KCNQ1: variants seen among roughly 807,000 people sequenced by gnomAD.
KCNQ1 encodes potassium voltage-gated channel subfamily KQT member 1.
KCNQ1 carries 49 observed loss-of-function variants against 72.4 expected under a neutral mutation model. The ratio of observed to expected loss-of-function variants is 0.68; its 90% CI spans 0.54 to 0.86. KCNQ1 has a LOEUF of 0.86. Ranked by LOEUF, KCNQ1 falls within the 40% of genes least tolerant of loss-of-function variation. KCNQ1 has a pLI of 0.00. For synonymous variants in KCNQ1, 450 were observed against 412.6 expected, an observed-to-expected ratio of 1.09 and a Z score of -1.10; for missense variants, 790 against 945.1, an observed-to-expected ratio of 0.84 and a Z score of 2.15.
In KCNQ1 at chr11:2,547,089, A is replaced by G. The variant is rs549232876; in HGVS notation, c.477+19071A>G. Among the ~76,000 whole-genome samples the G allele has an allele frequency of 6.6e-5, 10 of 152,354 alleles. No individual in the cohort carries two copies. Among genetic ancestry groups the G allele is most frequent in the Non-Finnish European group, 1.5e-4 (10 of 68,038 alleles). ...AAGTACAGCTAATTTGCATTTATTC[A>G]TAGGACTGACATTCTTGGTCTCAAC... On this transcript the variant is annotated intron_variant, in intron 2 of 15. Coordinates refer to ENST00000155840, the MANE Select transcript of KCNQ1 (RefSeq NM_000218.3). The surrounding 1 kb of genome is among the most constrained non-coding windows in gnomAD (Gnocchi z 4.2).
chr11:2,593,805 A>G lies in KCNQ1; in HGVS notation c.1393+4951A>G, dbSNP rs199943948. Among the ~76,000 whole-genome samples, 30 of 152,126 alleles carry G rather than the reference A, an allele frequency of 2.0e-4. No homozygotes were observed. The East Asian group carries it at 4.7e-3, about 24-fold the overall frequency. The stretch of plus-strand genomic sequence containing the variant: ...CCCAACACACCAAGCCTGGCCTTTC[A>G]TGCACTCCTCCATTCAAAGCCGTGT... On this transcript the variant is annotated intron_variant, in intron 10 of 15. Coordinates refer to ENST00000155840, the MANE Select transcript of KCNQ1 (RefSeq NM_000218.3). The surrounding 1 kb of genome is among the most constrained non-coding windows in gnomAD (Gnocchi z 6.9).
chr11:2,848,812 G>A lies in KCNQ1; in HGVS notation c.*809G>A, dbSNP rs1848397482. On this transcript the variant is annotated 3_prime_UTR_variant, in exon 16 of 16. Transcript: ENST00000155840. ...CAGAAGGGGACTGCCACCTCCCCTT[G>A]CCAGCTGCTGAGCCGCAGAGAAGTG... 1 of 454,162 alleles carries A rather than the reference G, an allele frequency of 2.2e-6. No homozygotes were observed. Among genetic ancestry groups the A allele is most frequent in the Non-Finnish European group, 4.4e-6 (1 of 226,788 alleles). 28.1% of individuals were successfully genotyped at this position (454,162 alleles called of 1,614,324 possible).
rs554813814 is a variant in KCNQ1, at chr11:2,743,607, G to A, written c.1515-25237G>A. ...CCTGCATGGCCCTATGGGGACTTGC[G>A]TCTCCCCGGAGGAGAGCAGCCCTGC... On this transcript the variant is annotated intron_variant, in intron 11 of 15. Coordinates refer to ENST00000155840, the MANE Select transcript of KCNQ1 (RefSeq NM_000218.3). Among the ~76,000 whole-genome samples the A allele has an allele frequency of 5.3e-5, 8 of 152,282 alleles. No homozygotes were observed. In the South Asian group the frequency reaches 1.0e-3, roughly 20 times the overall value.
At chr11:2,837,815 C>T (rs993592226) in intron 15 of KCNQ1, among the ~76,000 whole-genome samples, 21 of 152,204 alleles carry the variant, frequency 1.4e-4, no homozygotes, top group Admixed American at 6.5e-4. Flanking sequence ...GGCTCTGGGG[C>T]GAGAAGGGCG....
intron 10 of KCNQ1, chr11:2,632,405 A>G (rs1415458948): frequency 2.5e-6 from 1 of 398,336 alleles, no homozygotes; most frequent in Non-Finnish European, 4.4e-6. Context: ...ACTATGTTTA[A>G]TATAATGGCT....
At chr11:2,616,204 GTTT>G in intron 10 of KCNQ1, 1 of 371,252 alleles carries the variant, frequency 2.7e-6, no homozygotes, top group Non-Finnish European at 4.7e-6. Flanking sequence ...TCCCACTTTT[GTTT>G]TTTTTTCTTA....
At chr11:2,727,701 C>T (rs909304109) in intron 11 of KCNQ1, among the ~76,000 whole-genome samples, 50 of 152,256 alleles carry the variant, frequency 3.3e-4, no homozygotes, top group African/African-American at 1.1e-3. Flanking sequence ...CAGAGATCAG[C>T]CTCCTAGGGC....
Position 2,834,036 on chromosome 11 carries a change from G to T in KCNQ1, c.1795-13731G>T, listed in dbSNP as rs189506304. Among the ~76,000 whole-genome samples, 622 of 152,342 alleles carry T rather than the reference G, an allele frequency of 4.1e-3. 3 individuals are homozygous for T. Among genetic ancestry groups the T allele is most frequent in the African/African-American group, 0.012 (486 of 41,578 alleles). On this transcript the variant is annotated intron_variant, in intron 15 of 15. Coordinates refer to ENST00000155840, the MANE Select transcript of KCNQ1 (RefSeq NM_000218.3). ...GGAGTGCAGCCAGGGGCTGGCTCCC[G>T]GGAGGACATGGGCAGAGGCTTAGGT...
intron 1 of KCNQ1, among the ~76,000 whole-genome samples, chr11:2,513,138 A>G (rs574003429): frequency 3.3e-5 from 5 of 152,180 alleles, no homozygotes; most frequent in Admixed American, 2.0e-4. Flanking sequence ...TCTGGGGGGA[A>G]TCCTGACCCT....
intron 1 of KCNQ1, among the ~76,000 whole-genome samples, chr11:2,517,898 G>A (rs147274995): frequency 7.9e-5 from 12 of 152,348 alleles, no homozygotes; most frequent in East Asian, 5.8e-4. Context: ...TCAGTACCAC[G>A]TCCTGCTCAA....
At position 2,486,704 on chromosome 11, in the gene KCNQ1, C is replaced by T. The variant is rs528884994; in HGVS notation, c.386+41220C>T. ...AGCCTCAGGAAGCTTCCAATCACGG[C>T]AGAAGGTGAAGCGGGAGTAGGTGTC... On this transcript the variant is annotated intron_variant, in intron 1 of 15. Transcript: ENST00000155840. This position sits in a 1 kb window ranked among gnomAD's most constrained non-coding sequence, Gnocchi z 5.0. Among the ~76,000 whole-genome samples, 1 of 152,288 alleles carries T rather than the reference C, an allele frequency of 6.6e-6. No homozygotes were observed. Among genetic ancestry groups the T allele is most frequent in the South Asian group, 2.1e-4 (1 of 4,828 alleles).
intron 15 of KCNQ1, among the ~76,000 whole-genome samples, chr11:2,788,858 G>A (rs527362621): frequency 3.4e-4 from 51 of 152,198 alleles, no homozygotes; most frequent in Non-Finnish European, 5.9e-4. Context: ...GCTGAGCACC[G>A]CCACCCTGTT....
chr11:2,720,659 C>A lies in KCNQ1; in HGVS notation c.1515-48185C>A, dbSNP rs1043078973. 6.6e-6 allele frequency among the ~76,000 whole-genome samples: 1 copy of A among 152,144 alleles called. No homozygotes were observed. Among genetic ancestry groups the A allele is most frequent in the African/African-American group, 2.4e-5 (1 of 41,412 alleles). On this transcript the variant is annotated intron_variant, in intron 11 of 15. Transcript: ENST00000155840. This position sits in a 1 kb window ranked among gnomAD's most constrained non-coding sequence, Gnocchi z 5.1. ...CTGAAGAGGGGAGCCTCCTTGGCCA[C>A]TGAAACGGAAACAGCATTAGCCACC... is the stretch of plus-strand genomic sequence containing the variant.
At position 2,668,806 on chromosome 11, in the gene KCNQ1, G is replaced by A; in HGVS notation, c.1514+6725G>A. 1 of 398,572 alleles carries A rather than the reference G, an allele frequency of 2.5e-6. No individual in the cohort carries two copies. The highest frequency in any genetic ancestry group is 4.4e-6 in the Non-Finnish European group (1 of 226,072). The allele number at this position is 398,572 out of a possible 1,614,324, so 24.7% of individuals were successfully genotyped here. A position where few individuals can be genotyped will look rare whatever the true frequency, so the allele number is the denominator to read the frequency against. The stretch of plus-strand genomic sequence containing the variant: ...ATGAACAGAAGGTCTTAATTTTCAT[G>A]TGGTCCAGTTAATCAAACATTTCCT... On this transcript the variant is annotated intron_variant, in intron 11 of 15. Coordinates refer to ENST00000155840, the MANE Select transcript of KCNQ1 (RefSeq NM_000218.3). This position sits in a 1 kb window ranked among gnomAD's most constrained non-coding sequence, Gnocchi z 4.3.
intron 11 of KCNQ1, chr11:2,667,426 C>T (rs1241702389): frequency 2.5e-6 from 1 of 398,736 alleles, no homozygotes; most frequent in Non-Finnish European, 4.4e-6. Flanking sequence ...TGTGAACTCC[C>T]AGCCATGATG....
intron 6 of KCNQ1, among the ~76,000 whole-genome samples, chr11:2,580,036 A>G (rs1848476402): frequency 1.3e-5 from 2 of 152,228 alleles, no homozygotes; most frequent in South Asian, 4.1e-4. Context: ...TTTAAAAAGT[A>G]ATGCTTTTAA....
intron 15 of KCNQ1, 118 bp from the exon 16 acceptor site, chr11:2,847,649 G>A (rs928080223): frequency 2.0e-5 from 19 of 930,290 alleles, no homozygotes; most frequent in Middle Eastern, 5.3e-4. Context: ...CATACAGCAT[G>A]CACTTGCAGA....
rs190348189 is a variant in KCNQ1 at position 2,689,064 on chromosome 11, C to T, written c.1514+26983C>T. 9.6e-4 allele frequency: 381 copies of T among 398,896 alleles called. 1 individual carries two copies. The highest frequency in any genetic ancestry group is 2.0e-3 in the South Asian group (16 of 7,858). The allele number at this position is 398,896 out of a possible 1,614,324, so 24.7% of individuals were successfully genotyped here. On this transcript the variant is annotated intron_variant, in intron 11 of 15. Coordinates refer to ENST00000155840, the MANE Select transcript of KCNQ1 (RefSeq NM_000218.3). ...TTTTGAGGGGCAGTTACCTCCTCCT[C>T]CCCGGTGGCACATCCGGCCTGGAAG...
intron 6 of KCNQ1, among the ~76,000 whole-genome samples, chr11:2,581,597 T>A (rs921587414): frequency 6.6e-6 from 1 of 152,234 alleles, no homozygotes; most frequent in African/African-American, 2.4e-5. Flanking sequence ...CGCTGTGCGT[T>A]CAAGGTGTCT....
Sources: allele counts gnomAD v4.1 joint callset (sites outside exome capture counted in the v4.1 genomes callset), GRCh38; gene constraint gnomAD v4.1.1; non-coding constraint Gnocchi (gnomAD v3.1); transcripts MANE v1.5; gene names NCBI Gene and HGNC (gene_info 2026-07-23, HGNC 2026-07-21).